JCAD: variants seen among roughly 807,000 people sequenced by gnomAD.
JCAD encodes the protein junctional cadherin 5 associated.
Under a neutral mutation model 98.0 loss-of-function variants are expected in JCAD, and 40 were observed. The observed-to-expected ratio is 0.41, with a 90% CI of 0.32 to 0.53. The LOEUF is 0.53. Ranked by LOEUF, JCAD falls within the 20% of genes least tolerant of loss-of-function variation. The pLI is 0.31. For synonymous variants in JCAD, 691 were observed against 682.3 expected, an observed-to-expected ratio of 1.01 and a Z score of -0.20; for missense variants, 1,705 against 1,738.1, an observed-to-expected ratio of 0.98 and a Z score of 0.34.
Position 30,027,330 on chromosome 10 carries a change from C to T in JCAD, c.2818G>A (p.Gly940Ser), listed in dbSNP as rs1836842068. ...GCTGAGCAGAAAGGTGCACCGCCACCTTCTTCCACGCGAAAGCGGCCCGGG... is the reference window on the plus strand; with the variant it reads ...GCTGAGCAGAAAGGTGCACCGCCACTTTCTTCCACGCGAAAGCGGCCCGGG... The part of the protein sequence containing the change: ...PSPGRFRVEE[G>S]GGAPFCSADG... Residue 940 changes from glycine (G) to serine (S), a missense_variant, in exon 3 of 4, where the codon GGT becomes AGT. By Grantham distance (56) the Gly-to-Ser change is moderately conservative (BLOSUM62 0). Coordinates refer to ENST00000375377, the MANE Select transcript of JCAD (RefSeq NM_020848.4). 1.2e-6 allele frequency: 2 copies of T among 1,613,242 alleles called. No homozygotes were observed. The highest frequency in any genetic ancestry group is 2.2e-5 in the South Asian group (2 of 91,090).
intron 1 of JCAD, among the ~76,000 whole-genome samples, chr10:30,088,118 C>T (rs1465592804): frequency 3.3e-5 from 5 of 152,176 alleles, no homozygotes; most frequent in African/African-American, 9.6e-5. Context: ...GGATTACAGG[C>T]GTGAGCCACC....
intron 3 of JCAD, among the ~76,000 whole-genome samples, chr10:30,025,560 G>GAGGGT (rs1836772551): frequency 8.4e-6 from 1 of 119,256 alleles, no homozygotes; most frequent in African/African-American, 2.9e-5. Context: ...GAGGGGAGGG[G>GAGGGT]AGGGGAGGGG....
At chr10:30,094,426 G>T (rs1838336106) in intron 1 of JCAD, among the ~76,000 whole-genome samples, 1 of 152,038 alleles carries the variant, frequency 6.6e-6, no homozygotes, top group Non-Finnish European at 1.5e-5. Context: ...CTCCAGCCTG[G>T]GTGACAGAGA....
chr10:30,028,469 T>A lies in JCAD; in HGVS notation c.1679A>T (p.Lys560Met). The A allele has an allele frequency of 6.2e-7, 1 of 1,614,260 alleles. No homozygotes were observed. The highest frequency in any genetic ancestry group is 8.5e-7 in the Non-Finnish European group (1 of 1,180,050). ...STCETQTKLK[K>M]FQTGTRTKKS... The stretch of plus-strand genomic sequence containing the variant: ...CTTGGTCCGAGTCCCAGTTTGGAAC[T>A]TTTTGAGCTTGGTTTGAGTTTCGCA... Residue 560 changes from lysine (K) to methionine (M), a missense_variant, in exon 3 of 4, where the codon AAG (lysine) becomes ATG (methionine). By Grantham distance (95) the Lys-to-Met change is moderately conservative. Transcript: ENST00000375377.
At chr10:30,102,835 GA>G (rs35063478) in intron 1 of JCAD, among the ~76,000 whole-genome samples, 8,024 of 152,276 alleles carry the variant, frequency 0.053, 231 homozygotes, top group South Asian at 0.1. Flanking sequence ...AATCGTGGCA[GA>G]AGGCAAATGA....
intron 3 of JCAD, 195 bp downstream of exon 3, chr10:30,025,908 T>C (rs1836781370): frequency 3.0e-6 from 2 of 670,622 alleles, no homozygotes; most frequent in Admixed American, 2.9e-5. Context: ...TAAAATATAC[T>C]GCAAGATCTT....
chr10:30,111,253 C>T (rs1363763738), intron 1 of JCAD, among the ~76,000 whole-genome samples: 1 of 152,122 alleles, frequency 6.6e-6, no homozygotes, highest in Non-Finnish European at 1.5e-5. Context: ...CTTCGGGACC[C>T]AGCCCAGGGG....
chr10:30,026,845 C>A lies in JCAD; in HGVS notation c.3303G>T (p.Pro1101=). 6.2e-7 allele frequency: 1 copy of A among 1,613,944 alleles called. No homozygotes were observed. Among genetic ancestry groups the A allele is most frequent in the South Asian group, 1.1e-5 (1 of 91,078 alleles). Residue 1101 remains proline, a synonymous_variant, in exon 3 of 4, where the codon CCG becomes CCT. Transcript: ENST00000375377. ...GIEVAVESLL[P]GIRRAGQNQP... is the part of the protein sequence containing the mutation. ...GGTTCTGTCCCGCTCTCCGGATGCCCGGCAGGAGGGACTCCACCGCCACCT... is the reference window on the plus strand; with the variant it reads ...GGTTCTGTCCCGCTCTCCGGATGCCAGGCAGGAGGGACTCCACCGCCACCT...
At chr10:30,019,357 CAAA>C (rs58164754) in intron 3 of JCAD, among the ~76,000 whole-genome samples, 9 of 100,294 alleles carry the variant, frequency 9.0e-5, no homozygotes, top group Middle Eastern at 4.6e-3. Flanking sequence ...AACTCTGTCT[CAAA>C]AAAAAAAAAA....
Position 30,048,370 on chromosome 10 carries a change from T to C in JCAD, c.-59-499A>G, listed in dbSNP as rs371598749. ...CCTTCTGCTCTAGGAGAGAGTGAGA[T>C]CTTTAATCAACACAGTCATGATACA... On this transcript the variant is annotated intron_variant, in intron 1 of 3. Coordinates refer to ENST00000375377, the MANE Select transcript of JCAD (RefSeq NM_020848.4). Among the ~76,000 whole-genome samples, 7 of 152,222 alleles carry C rather than the reference T, an allele frequency of 4.6e-5. No individual in the cohort carries two copies. The East Asian group carries it at 5.8e-4, about 13-fold the overall frequency.
intron 1 of JCAD, among the ~76,000 whole-genome samples, chr10:30,085,132 C>A (rs1448027236): frequency 6.6e-6 from 1 of 152,026 alleles, no homozygotes; most frequent in Admixed American, 6.6e-5. Flanking sequence ...CTTTTGGTTT[C>A]TTTATGAACT....
At position 30,028,095 on chromosome 10, in the gene JCAD, G is replaced by A. The variant is rs1364555299; in HGVS notation, c.2053C>T (p.Arg685Trp). ...GTTTGTGTTTGCTGATCTCTGTACC[G>A]GTGCCCTGGCCAAGAGCCAGAATGC... The part of the protein sequence containing the change: ...LKHSGSWPGH[R>W]YRDQQTQTSF... The change falls in exon 3 of 4, where the codon CGG becomes TGG. Residue 685 changes from arginine (R) to tryptophan (W), a missense_variant. Physicochemically the swap from Arg to Trp is moderately radical, Grantham distance 101 (BLOSUM62 -3). Coordinates refer to ENST00000375377, the MANE Select transcript of JCAD (RefSeq NM_020848.4). 11 of 1,614,120 alleles carry A rather than the reference G, an allele frequency of 6.8e-6. No individual in the cohort carries two copies. Among genetic ancestry groups the A allele is most frequent in the African/African-American group, 2.7e-5 (2 of 74,940 alleles).
chr10:30,108,612 A>C (rs1214385844), intron 1 of JCAD, among the ~76,000 whole-genome samples: 1 of 152,200 alleles, frequency 6.6e-6, no homozygotes, highest in Non-Finnish European at 1.5e-5. Flanking sequence ...TAGTTGTCAC[A>C]CATGAGCAGC....
chr10:30,068,332 A>C (rs1837821195), intron 2 of JCAD, among the ~76,000 whole-genome samples: 1 of 141,796 alleles, frequency 7.1e-6, no homozygotes, highest in East Asian at 2.3e-4. Context: ...TGGAGGTTGC[A>C]GTGAGCCAAG....
At chr10:30,037,886 C>T (rs570704207) in intron 2 of JCAD, among the ~76,000 whole-genome samples, 1 of 150,394 alleles carries the variant, frequency 6.6e-6, no homozygotes, top group South Asian at 2.1e-4. Flanking sequence ...CTTTGAACTC[C>T]TGCGCTTGGG....
rs76950924 is a variant in JCAD at position 30,050,533 on chromosome 10, C to T, written c.-59-2662G>A. 3.9e-3 allele frequency among the ~76,000 whole-genome samples: 596 copies of T among 152,172 alleles called. 2 individuals are homozygous for T. Among genetic ancestry groups the T allele is most frequent in the African/African-American group, 0.013 (550 of 41,532 alleles). ...TAAAATAAAAGCAAATTGCACTGTACTCCAAATGGCCACCGAATACACTAA... is the reference window on the plus strand; with the variant it reads ...TAAAATAAAAGCAAATTGCACTGTATTCCAAATGGCCACCGAATACACTAA... On this transcript the variant is annotated intron_variant, in intron 1 of 3. Coordinates refer to ENST00000375377, the MANE Select transcript of JCAD (RefSeq NM_020848.4).
intron 2 of JCAD, among the ~76,000 whole-genome samples, chr10:30,038,765 G>C (rs1000590560): frequency 6.6e-6 from 1 of 151,826 alleles, no homozygotes; most frequent in African/African-American, 2.4e-5. Flanking sequence ...AAGCAGGATG[G>C]AGCAAAGGGA....
chr10:30,102,172 G>T (rs1355757883), intron 1 of JCAD, among the ~76,000 whole-genome samples: 1 of 152,000 alleles, frequency 6.6e-6, no homozygotes, highest in Admixed American at 6.6e-5. Context: ...CCTTCTTAAT[G>T]TTTTTTCTTT....
At chr10:30,035,461 C>G (rs921341551) in intron 2 of JCAD, among the ~76,000 whole-genome samples, 3 of 152,206 alleles carry the variant, frequency 2.0e-5, no homozygotes, top group African/African-American at 7.2e-5. Flanking sequence ...TATTTTGTAC[C>G]TAGCAAGGGC....
Sources: allele counts gnomAD v4.1 joint callset (sites outside exome capture counted in the v4.1 genomes callset), GRCh38; gene constraint gnomAD v4.1.1; transcripts MANE v1.5; gene names NCBI Gene and HGNC (gene_info 2026-07-23, HGNC 2026-07-21).